Variants in LMCD1 observed in about 807,000 individuals in gnomAD.
LMCD1 encodes the protein LIM and cysteine-rich domains protein 1.
In LMCD1, 32 loss-of-function variants were observed where a neutral mutation model predicts 42.7. That is an observed-to-expected ratio of 0.75 (90% CI 0.57 to 1.01). The LOEUF is 1.01. LMCD1 is among the 50% of genes least tolerant of loss of function. LMCD1 has a pLI of 0.00. For missense variants in LMCD1, 458 were observed against 483.1 expected (o/e 0.95, Z 0.49); for synonymous variants, 178 against 184.9 (o/e 0.96, Z 0.30).
At chr3:8,516,648 C>T (rs1367611093) in intron 1 of LMCD1, among the ~76,000 whole-genome samples, 1 of 152,202 alleles carries the variant, frequency 6.6e-6, no homozygotes, top group East Asian at 1.9e-4. Context: ...TAGCCAAGCC[C>T]TTGACACCAT....
chr3:8,543,480 C>G (rs62242271), intron 3 of LMCD1, among the ~76,000 whole-genome samples: 1 of 151,788 alleles, frequency 6.6e-6, no homozygotes, highest in Admixed American at 6.6e-5. Flanking sequence ...GACAGATAGA[C>G]AGACAGACAG....
In LMCD1 at chr3:8,567,565, G is replaced by A. The variant is rs369941691; in HGVS notation, c.1065G>A (p.Leu355=). The A allele has an allele frequency of 3.7e-6, 6 of 1,613,836 alleles. No homozygotes were observed. The highest frequency in any genetic ancestry group is 1.7e-5 in the Admixed American group (1 of 59,986). ...ACATCGTCACCAAGGGTCAGCTTCT[G>A]TGCCCAACTTGCAGCAAGTCCAAAC... The part of the protein sequence containing the change: ...RAYIVTKGQL[L]CPTCSKSKRS The change falls in exon 6 of 6, where the codon CTG becomes CTA. Residue 355 remains leucine (L), a synonymous_variant. Transcript: ENST00000157600.
intron 4 of LMCD1, among the ~76,000 whole-genome samples, chr3:8,555,386 TC>T (rs1425648920): frequency 6.6e-6 from 1 of 151,982 alleles, no homozygotes; most frequent in Non-Finnish European, 1.5e-5. Context: ...AAACTGCCAC[TC>T]CTCCCCACTT....
At position 8,545,072 on chromosome 3, in the gene LMCD1, A is replaced by G. The variant is rs113042642; in HGVS notation, c.388-3496A>G. On this transcript the variant is annotated intron_variant, in intron 3 of 5. Coordinates refer to ENST00000157600, the MANE Select transcript of LMCD1 (RefSeq NM_014583.4). Reference sequence around the variant, plus strand: ...TATTCAGACAGTTACCAGTCATATTAATGGGGAAATGTTACTGACCTGAGA... The same window carrying G: ...TATTCAGACAGTTACCAGTCATATTGATGGGGAAATGTTACTGACCTGAGA... 1.8e-4 allele frequency among the ~76,000 whole-genome samples: 28 copies of G among 152,336 alleles called. 1 individual carries two copies. The highest frequency in any genetic ancestry group is 3.8e-4 in the African/African-American group (16 of 41,580).
Position 8,570,523 on chromosome 3 carries a change from G to A in LMCD1, c.*2925G>A, listed in dbSNP as rs886702408. ...AATGACACCCACCCTTGCATTTGGAGCACCTGAATCATCTCTGCCACTTGC... is the reference window on the plus strand; with the variant it reads ...AATGACACCCACCCTTGCATTTGGAACACCTGAATCATCTCTGCCACTTGC... On this transcript the variant is annotated 3_prime_UTR_variant, in exon 6 of 6. Transcript: ENST00000157600. 2 of 152,498 alleles carry A rather than the reference G, an allele frequency of 1.3e-5. No individual in the cohort carries two copies. The highest frequency in any genetic ancestry group is 4.8e-5 in the African/African-American group (2 of 41,422). The allele number at this position is 152,498 out of a possible 1,614,324, so 9.4% of individuals were successfully genotyped here.
intron 4 of LMCD1, among the ~76,000 whole-genome samples, chr3:8,549,616 G>A (rs969480488): frequency 6.6e-6 from 1 of 152,190 alleles, no homozygotes; most frequent in Non-Finnish European, 1.5e-5. Flanking sequence ...TCCATGCTGT[G>A]CTTACAAAAG....
chr3:8,506,350 C>T (rs1200906048), intron 1 of LMCD1, among the ~76,000 whole-genome samples: 1 of 152,162 alleles, frequency 6.6e-6, no homozygotes, highest in East Asian at 1.9e-4. Context: ...TGGTTTGATC[C>T]TCTCTTCATG....
intron 2 of LMCD1, among the ~76,000 whole-genome samples, chr3:8,535,030 C>A (rs929202328): frequency 6.6e-6 from 1 of 152,202 alleles, no homozygotes; most frequent in Non-Finnish European, 1.5e-5. Context: ...GCGCAGCCTC[C>A]TCATCTAGTT....
rs145408793 is a variant in LMCD1 at position 8,519,917 on chromosome 3, T to TGTGTGTGTGAGA, written c.43-12819_43-12818insTGTGTGTGAGAG. 7.0e-3 allele frequency among the ~76,000 whole-genome samples: 1,042 copies of TGTGTGTGTGAGA among 149,834 alleles called. 10 individuals carry two copies. The highest frequency in any genetic ancestry group is 0.01 in the South Asian group (45 of 4,500). ...TTCCATGTGCACACACGTGTGTGTG[T>TGTGTGTGTGAGA]GAGAGAGAGTGTGTGTGTGTGTGTG... On this transcript the variant is annotated intron_variant, in intron 1 of 5. Transcript: ENST00000157600.
rs112165845 is a variant in LMCD1 at position 8,566,030 on chromosome 3, T to G, written c.939+383T>G. On this transcript the variant is annotated intron_variant, in intron 5 of 5. Transcript: ENST00000157600. The stretch of plus-strand genomic sequence containing the variant: ...TCAGCTGAGTCTCAGTTTTACTACT[T>G]ATAAAATAGGGATGAGACCAGCGCC... Among the ~76,000 whole-genome samples the G allele has an allele frequency of 1.2e-3, 190 of 152,318 alleles. 1 individual carries two copies. The highest frequency in any genetic ancestry group is 4.3e-3 in the African/African-American group (178 of 41,570).
chr3:8,551,042 C>T lies in LMCD1; in HGVS notation c.723+2139C>T, dbSNP rs1370788279. Reference sequence around the variant, plus strand: ...AATACTAGACAGTAAATGGAAAAGGCCAAAGTCAGAAAATAAGTAGGGATT... The same window carrying T: ...AATACTAGACAGTAAATGGAAAAGGTCAAAGTCAGAAAATAAGTAGGGATT... On this transcript the variant is annotated intron_variant, in intron 4 of 5. Coordinates refer to ENST00000157600, the MANE Select transcript of LMCD1 (RefSeq NM_014583.4). The T allele has an allele frequency of 9.1e-6, 9 of 985,358 alleles. No homozygotes were observed. The South Asian group carries it at 3.8e-4, about 41-fold the overall frequency. 61.0% of individuals were successfully genotyped at this position (985,358 alleles called of 1,614,324 possible).
chr3:8,522,632 A>G (rs1694227151), intron 1 of LMCD1, among the ~76,000 whole-genome samples: 2 of 152,098 alleles, frequency 1.3e-5, no homozygotes, highest in Admixed American at 6.5e-5. Context: ...CTCCTTTGTG[A>G]CCAACCTGAT....
chr3:8,511,425 G>C (rs191010710), intron 1 of LMCD1, among the ~76,000 whole-genome samples: 1 of 152,312 alleles, frequency 6.6e-6, no homozygotes, highest in East Asian at 1.9e-4. Flanking sequence ...CTCAGAAAAG[G>C]AATAGCCTAA....
Position 8,565,553 on chromosome 3 carries a change from TG to T in LMCD1, c.847del (p.Val283TrpfsTer32). ...CFVCAKCSEP[L>X]VDLIYFWKDG... is the part of the protein sequence containing the mutation. The stretch of plus-strand genomic sequence containing the variant: ...GTGTGTGCCAAGTGCTCCGAGCCGC[TG>T]GTGGACCTCATCTACTTCTGGAAGG... On this transcript the variant is annotated frameshift_variant, in exon 5 of 6. Coordinates refer to ENST00000157600, the MANE Select transcript of LMCD1 (RefSeq NM_014583.4). LOFTEE classifies it high-confidence loss of function. 1 of 1,614,086 alleles carries T rather than the reference TG, an allele frequency of 6.2e-7. No individual in the cohort carries two copies.
intron 4 of LMCD1, chr3:8,549,956 C>A (rs941411194): frequency 8.5e-7 from 1 of 1,173,424 alleles, no homozygotes; most frequent in Non-Finnish European, 1.2e-6. Context: ...TGAGCCCTCA[C>A]GACCCAATCA....
chr3:8,540,573 T>A (rs1432660741), intron 3 of LMCD1, among the ~76,000 whole-genome samples: 1 of 152,060 alleles, frequency 6.6e-6, no homozygotes, highest in Non-Finnish European at 1.5e-5. Flanking sequence ...TCCCTACCAA[T>A]CCAGGCCAGG....
chr3:8,545,803 C>G (rs1694723086), intron 3 of LMCD1, among the ~76,000 whole-genome samples: 1 of 152,128 alleles, frequency 6.6e-6, no homozygotes. Context: ...GTGAGTCTAA[C>G]TGTAATCAGA....
At chr3:8,546,757 T>C (rs145937276) in intron 3 of LMCD1, among the ~76,000 whole-genome samples, 2 of 152,082 alleles carry the variant, frequency 1.3e-5, no homozygotes, top group African/African-American at 4.8e-5. Flanking sequence ...GGGGGAGGTG[T>C]AAGTCCATGA....
intron 1 of LMCD1, among the ~76,000 whole-genome samples, chr3:8,513,710 T>C (rs1370137236): frequency 2.0e-5 from 3 of 152,214 alleles, no homozygotes; most frequent in African/African-American, 7.2e-5. Context: ...AAATTATTTG[T>C]AAAGTTGTCA....
Sources: gnomAD v4.1 joint callset for allele counts (sites outside exome capture counted in the v4.1 genomes callset) on GRCh38, gnomAD v4.1.1 for gene constraint, MANE v1.5 for transcripts, NCBI Gene and HGNC (gene_info 2026-07-23, HGNC 2026-07-21) for gene names.